ANKS1B: variants seen among roughly 807,000 people sequenced by gnomAD.
ANKS1B encodes ankyrin repeat and sterile alpha motif domain-containing protein 1B.
Under a neutral mutation model 148.3 loss-of-function variants are expected in ANKS1B, and 36 were observed. That is an observed-to-expected ratio of 0.24 (90% CI 0.19 to 0.32). The LOEUF (loss-of-function observed/expected upper bound fraction) is 0.32, where lower values mean the gene tolerates loss of function less well. Among genes scored for constraint, ANKS1B ranks in the 10% least tolerant of loss-of-function variants. The pLI is 1.00. For missense variants in ANKS1B, 1,157 were observed against 1,542.6 expected (o/e 0.75, Z 4.19); for synonymous variants, 542 against 560.8 (o/e 0.97, Z 0.47).
At chr12:99,933,163 G>C (rs2094668900) in intron 1 of ANKS1B, among the ~76,000 whole-genome samples, 1 of 152,126 alleles carries the variant, frequency 6.6e-6, no homozygotes, top group Non-Finnish European at 1.5e-5. Context: ...GGTCACTATA[G>C]CTCTGTAGTA....
At chr12:99,894,329 G>GAGGGAGGGAAGGAAAGAAAAGA (rs1196013915) in intron 1 of ANKS1B, among the ~76,000 whole-genome samples, 1 of 78,078 alleles carries the variant, frequency 1.3e-5, no homozygotes, top group African/African-American at 5.1e-5. Context: ...GGGAGGGAGG[G>GAGGGAGGGAAGGAAAGAAAAGA]AAAGAAAAGA....
At chr12:98,856,897 T>C (rs2099574557) in intron 17 of ANKS1B, among the ~76,000 whole-genome samples, 1 of 152,194 alleles carries the variant, frequency 6.6e-6, no homozygotes, top group African/African-American at 2.4e-5. Context: ...TCACTTTCAT[T>C]AAGTAAACAC....
chr12:98,997,246 C>T (rs1443309379), intron 17 of ANKS1B, among the ~76,000 whole-genome samples: 1 of 151,988 alleles, frequency 6.6e-6, no homozygotes, highest in Non-Finnish European at 1.5e-5. Context: ...CACTGGGGAC[C>T]AGGATTGGGC....
At chr12:99,154,431 G>A (rs761485482) in intron 14 of ANKS1B, 36 bp from the exon 15 acceptor site, 3 of 1,613,710 alleles carry the variant, frequency 1.9e-6, no homozygotes, top group African/African-American at 1.3e-5. Flanking sequence ...TTTAAGCAGG[G>A]AGTAGCCGTC....
chr12:99,462,846 A>C (rs754125561), intron 10 of ANKS1B, among the ~76,000 whole-genome samples: 3 of 152,120 alleles, frequency 2.0e-5, no homozygotes, highest in Non-Finnish European at 4.4e-5. Flanking sequence ...TGTTAAAAAG[A>C]GTCTAGGATC....
At chr12:99,506,493 T>C (rs538530366) in intron 9 of ANKS1B, among the ~76,000 whole-genome samples, 5 of 152,122 alleles carry the variant, frequency 3.3e-5, no homozygotes, top group African/African-American at 1.2e-4. Context: ...CAGAGGAAAG[T>C]AATCAGGATG....
At chr12:99,532,651 C>T (rs1256145208) in intron 9 of ANKS1B, among the ~76,000 whole-genome samples, 1 of 152,226 alleles carries the variant, frequency 6.6e-6, no homozygotes, top group African/African-American at 2.4e-5. Flanking sequence ...TGAGCCACCA[C>T]GCCTGGTCAC....
At chr12:98,906,331 AT>A (rs2099779033) in intron 17 of ANKS1B, among the ~76,000 whole-genome samples, 1 of 152,190 alleles carries the variant, frequency 6.6e-6, no homozygotes, top group Non-Finnish European at 1.5e-5. Context: ...GGGGGCTGCA[AT>A]CTGGTACCCA....
intron 17 of ANKS1B, chr12:98,893,767 T>C (rs1043997761): frequency 1.3e-5 from 2 of 152,218 alleles, no homozygotes; most frequent in Non-Finnish European, 2.9e-5. Flanking sequence ...AGAGGAGAAA[T>C]GCAGCGAGGA....
At chr12:99,154,698 T>C in intron 14 of ANKS1B, 1 of 1,436,540 alleles carries the variant, frequency 7.0e-7, no homozygotes, top group Non-Finnish European at 9.1e-7. Flanking sequence ...GAAGAAGGCA[T>C]ATCAAGCTGT....
chr12:99,412,772 C>T (rs192096011), intron 11 of ANKS1B, among the ~76,000 whole-genome samples: 10 of 152,302 alleles, frequency 6.6e-5, no homozygotes, highest in Non-Finnish European at 1.3e-4. Context: ...TCTCATATTT[C>T]TCTGTCTTGA....
chr12:99,761,377 A>G (rs1244957394), intron 8 of ANKS1B, among the ~76,000 whole-genome samples: 2 of 152,072 alleles, frequency 1.3e-5, no homozygotes, highest in Non-Finnish European at 2.9e-5. Flanking sequence ...CCTGGGATAC[A>G]GGGTTGATTA....
At chr12:98,973,118 C>A (rs2099884859) in intron 17 of ANKS1B, among the ~76,000 whole-genome samples, 1 of 151,782 alleles carries the variant, frequency 6.6e-6, no homozygotes, top group South Asian at 2.1e-4. Context: ...GGTATATAAT[C>A]ATCACTAGCC....
intron 10 of ANKS1B, among the ~76,000 whole-genome samples, chr12:99,448,267 C>A (rs780096657): frequency 1.3e-5 from 2 of 151,974 alleles, no homozygotes; most frequent in East Asian, 1.9e-4. Context: ...TACTATGCTG[C>A]CTTAAAAAAG....
chr12:99,721,167 A>T (rs540584675), intron 8 of ANKS1B, among the ~76,000 whole-genome samples: 5 of 152,132 alleles, frequency 3.3e-5, no homozygotes, highest in Non-Finnish European at 7.3e-5. Flanking sequence ...CCTTCAGCTT[A>T]ATATCTCCCA....
At chr12:99,606,870 G>C (rs1248624972) in intron 9 of ANKS1B, among the ~76,000 whole-genome samples, 1 of 151,918 alleles carries the variant, frequency 6.6e-6, no homozygotes, top group Non-Finnish European at 1.5e-5. Context: ...CCCTACATTT[G>C]CCAGCCTTGT....
At chr12:99,056,008 G>A (rs777251502) in intron 16 of ANKS1B, among the ~76,000 whole-genome samples, 1 of 152,120 alleles carries the variant, frequency 6.6e-6, no homozygotes, top group Non-Finnish European at 1.5e-5. Flanking sequence ...TGAGAGGGAG[G>A]GAAATATTTG....
rs201626774 is a variant in ANKS1B, at chr12:99,797,556, AC to A, written c.669+8847del. Among the ~76,000 whole-genome samples the A allele has an allele frequency of 3.0e-3, 434 of 146,812 alleles. 1 individual carries two copies. The highest frequency in any genetic ancestry group is 9.7e-3 in the African/African-American group (389 of 40,260). ...TATTTAAATTAATCATTTAAAAAAA[AC>A]AAAATTTCCAAAATCGATAATCATG... On this transcript the variant is annotated intron_variant, in intron 4 of 26. Coordinates refer to ENST00000683438, the MANE Select transcript of ANKS1B (RefSeq NM_001352186.2).
At chr12:99,529,992 G>A (rs2373013) in intron 9 of ANKS1B, among the ~76,000 whole-genome samples, 29,176 of 152,120 alleles carry the variant, frequency 0.19, 3,028 homozygotes, top group South Asian at 0.28. Flanking sequence ...TAAGAGTCCA[G>A]GGTTCAAGAA....
Sources: allele counts gnomAD v4.1 joint callset (sites outside exome capture counted in the v4.1 genomes callset), GRCh38; gene constraint gnomAD v4.1.1; transcripts MANE v1.5; gene names NCBI Gene and HGNC (gene_info 2026-07-23, HGNC 2026-07-21).